The following POT1 variants were observed in gnomAD, a reference collection of about 807,000 sequenced individuals.
POT1 encodes protection of telomeres 1, also known as protection of telomeres protein 1.
A neutral mutation model predicts 78.5 loss-of-function variants in POT1; 47 were observed. The observed-to-expected ratio is 0.60, with a 90% CI of 0.47 to 0.76. The LOEUF is 0.76. POT1 is among the 30% of genes least tolerant of loss of function. The probability of loss-of-function intolerance (pLI) is 0.00; values close to 1 mark genes in which losing one functional copy is unlikely to be tolerated. For missense variants in POT1, 646 were observed against 749.9 expected, an observed-to-expected ratio of 0.86 and a Z score of 1.62; for synonymous variants, 259 against 260.7, an observed-to-expected ratio of 0.99 and a Z score of 0.06.
intron 6 of POT1, among the ~76,000 whole-genome samples, chr7:124,888,580 ATGTAAT>A (rs1796299786): frequency 6.6e-6 from 1 of 152,086 alleles, no homozygotes; most frequent in African/African-American, 2.4e-5. Flanking sequence ...GGCATAACTC[ATGTAAT>A]TGTACTTTAC....
intron 6 of POT1, among the ~76,000 whole-genome samples, chr7:124,887,275 G>A (rs1796268760): frequency 6.6e-6 from 1 of 152,038 alleles, no homozygotes; most frequent in Non-Finnish European, 1.5e-5. Context: ...CAACTTTAAT[G>A]TTCCCCTTTC....
chr7:124,830,695 T>G (rs1461341018), intron 15 of POT1, among the ~76,000 whole-genome samples: 1 of 152,030 alleles, frequency 6.6e-6, no homozygotes, highest in African/African-American at 2.4e-5. Flanking sequence ...ACTCCACTAT[T>G]AAAACTAAAA....
intron 6 of POT1, among the ~76,000 whole-genome samples, chr7:124,883,476 AAAAT>A (rs1266981833): frequency 2.0e-5 from 3 of 152,160 alleles, no homozygotes; most frequent in South Asian, 4.1e-4. Context: ...TGGCATATAG[AAAAT>A]AAATAAGCAG....
At chr7:124,857,990 A>G (rs111450467) in intron 9 of POT1, among the ~76,000 whole-genome samples, 1,783 of 152,174 alleles carry the variant, frequency 0.012, 43 homozygotes, top group African/African-American at 0.039. Context: ...CGTGCCCAAA[A>G]GCCTTTGCCC....
intron 3 of POT1, among the ~76,000 whole-genome samples, chr7:124,905,504 G>A (rs1490444660): frequency 2.6e-5 from 4 of 151,710 alleles, no homozygotes; most frequent in African/African-American, 7.3e-5. Context: ...AGACTTAAAC[G>A]TTAGACCTAA....
chr7:124,857,783 T>C (rs1260203754), intron 9 of POT1, among the ~76,000 whole-genome samples: 1 of 152,224 alleles, frequency 6.6e-6, no homozygotes, highest in Non-Finnish European at 1.5e-5. Flanking sequence ...TCATTCCTCC[T>C]GGATGCTACA....
At chr7:124,824,523 T>C (rs1351922619) in intron 18 of POT1, among the ~76,000 whole-genome samples, 1 of 152,042 alleles carries the variant, frequency 6.6e-6, no homozygotes, top group East Asian at 1.9e-4. Context: ...CAAATTCCTA[T>C]CATTATGTAA....
chr7:124,862,478 T>A (rs1254062401), intron 8 of POT1, among the ~76,000 whole-genome samples: 1 of 152,212 alleles, frequency 6.6e-6, no homozygotes, highest in African/African-American at 2.4e-5. Context: ...CTTATTTAAC[T>A]TTCTGCAGGG....
Position 124,869,427 on chromosome 7 carries a change from T to C in POT1, c.255+1484A>G, listed in dbSNP as rs544868840. On this transcript the variant is annotated intron_variant, in intron 7 of 18. Coordinates refer to ENST00000357628, the MANE Select transcript of POT1 (RefSeq NM_015450.3). ...AGATGTTTATCTATTTGCTATTAAA[T>C]AGTAACTTCCATAAACAATAACAAC... 3.3e-5 allele frequency among the ~76,000 whole-genome samples: 5 copies of C among 152,298 alleles called. No individual in the cohort carries two copies. In the East Asian group the frequency reaches 9.6e-4, roughly 29 times the overall value.
At position 124,825,302 on chromosome 7, in the gene POT1, T is replaced by C. The variant is rs201023336; in HGVS notation, c.1742A>G (p.Lys581Arg). Reference sequence around the variant, plus strand: ...CATATCCATGATCATATCCACACTTTTCTGAAGGTCATCATCCATCAGAAC... The same window carrying C: ...CATATCCATGATCATATCCACACTTCTCTGAAGGTCATCATCCATCAGAAC... ...SEVLMDDDLQ[K>R]SVDMIMDMFC... The change falls in exon 18 of 19, where the codon AAA becomes AGA. Residue 581 changes from lysine to arginine, a missense_variant. Transcript: ENST00000357628. 4.8e-5 allele frequency: 77 copies of C among 1,611,394 alleles called. No individual in the cohort carries two copies. Among genetic ancestry groups the C allele is most frequent in the Non-Finnish European group, 6.3e-5 (74 of 1,178,834 alleles).
chr7:124,876,672 A>C (rs1483555505), intron 6 of POT1, among the ~76,000 whole-genome samples: 1 of 152,176 alleles, frequency 6.6e-6, no homozygotes, highest in Non-Finnish European at 1.5e-5. Context: ...TGTTTCTGTA[A>C]ATTTTTCTGG....
At chr7:124,890,320 A>C (rs1052496365) in intron 6 of POT1, among the ~76,000 whole-genome samples, 1 of 151,936 alleles carries the variant, frequency 6.6e-6, no homozygotes, top group Non-Finnish European at 1.5e-5. Flanking sequence ...GTTGCTTCTT[A>C]TGGATGAGGA....
chr7:124,836,140 T>C (rs573682613), intron 14 of POT1, among the ~76,000 whole-genome samples: 4 of 152,212 alleles, frequency 2.6e-5, no homozygotes, highest in Admixed American at 2.0e-4. Flanking sequence ...TATAGCAGAG[T>C]GAGGACATCC....
chr7:124,885,293 CAA>C (rs11372618), intron 6 of POT1, among the ~76,000 whole-genome samples: 7 of 63,242 alleles, frequency 1.1e-4, no homozygotes, highest in Non-Finnish European at 1.4e-4. Flanking sequence ...TCCATCTCTC[CAA>C]AAAAAAAAAA....
At chr7:124,824,429 A>G (rs1174251305) in intron 18 of POT1, among the ~76,000 whole-genome samples, 1 of 152,090 alleles carries the variant, frequency 6.6e-6, no homozygotes, top group Non-Finnish European at 1.5e-5. Flanking sequence ...CTAGAAATCT[A>G]TCCAAAAGAA....
rs1794875043 is a variant in POT1 at position 124,835,386 on chromosome 7, G to C, written c.1398C>G (p.Leu466=). Residue 466 remains leucine, a synonymous_variant, in exon 15 of 19, where the codon CTC becomes CTG. Transcript: ENST00000357628. The stretch of plus-strand genomic sequence containing the variant: ...GAATTACACTATTAAACTTGTTCGA[G>C]AGTTTGCAAATTTCACTGAGTGTAC... ...EGGTLSEICK[L]SNKFNSVIPV... 1 of 1,613,446 alleles carries C rather than the reference G, an allele frequency of 6.2e-7. No homozygotes were observed. The highest frequency in any genetic ancestry group is 1.7e-5 in the Admixed American group (1 of 59,988).
rs67585224 is a variant in POT1 at position 124,897,422 on chromosome 7, A to C, written c.-39-210T>G. ...AAAAAAAGGCAAAGATATAAGGTCA[A>C]ATGAAAATGTACTTTATTAAAATAT... On this transcript the variant is annotated intron_variant, in intron 4 of 18. Coordinates refer to ENST00000357628, the MANE Select transcript of POT1 (RefSeq NM_015450.3). Among the ~76,000 whole-genome samples the C allele has an allele frequency of 0.2, 30,688 of 151,818 alleles. 3,773 individuals are homozygous for C. Among genetic ancestry groups the C allele is most frequent in the East Asian group, 0.3 (1,553 of 5,148 alleles).
chr7:124,871,139 CT>C, intron 6 of POT1, 98 bp from the exon 7 acceptor site: 1 of 1,033,976 alleles, frequency 9.7e-7, no homozygotes, highest in Non-Finnish European at 1.3e-6. Context: ...CTTATTCTTC[CT>C]TTTAATTAAG....
chr7:124,886,321 T>C (rs993349024), intron 6 of POT1, among the ~76,000 whole-genome samples: 1 of 152,178 alleles, frequency 6.6e-6, no homozygotes, highest in Non-Finnish European at 1.5e-5. Flanking sequence ...ATTGTAGCCC[T>C]GTATTTGTGA....
Sources: allele counts gnomAD v4.1 joint callset (sites outside exome capture counted in the v4.1 genomes callset), GRCh38; gene constraint gnomAD v4.1.1; transcripts MANE v1.5; gene names NCBI Gene and HGNC (gene_info 2026-07-23, HGNC 2026-07-21).